GREB1: variants seen among roughly 807,000 people sequenced by gnomAD.
The protein encoded by GREB1 is protein GREB1.
In GREB1, 106 loss-of-function variants were observed where a neutral mutation model predicts 200.7. The ratio of observed to expected loss-of-function variants is 0.53; its 90% CI spans 0.45 to 0.62. GREB1 has a LOEUF of 0.62. Among genes scored for constraint, GREB1 ranks in the 20% least tolerant of loss-of-function variants. The pLI is 0.00. For missense variants in GREB1, 2,243 were observed against 2,556.8 expected (o/e 0.88, Z 2.65); for synonymous variants, 1,132 against 1,092.4 (o/e 1.04, Z -0.72).
In GREB1 at chr2:11,585,202, G is replaced by A; in HGVS notation, c.943G>A (p.Gly315Arg). 6 of 1,586,404 alleles carry A rather than the reference G, an allele frequency of 3.8e-6. No homozygotes were observed. The highest frequency in any genetic ancestry group is 5.1e-6 in the Non-Finnish European group (6 of 1,169,104). The change falls in exon 8 of 33, where the codon GGG becomes AGG. Residue 315 changes from glycine to arginine, a missense_variant. By Grantham distance (125) the Gly-to-Arg change is moderately radical (BLOSUM62 -2). Coordinates refer to ENST00000381486, the MANE Select transcript of GREB1 (RefSeq NM_014668.4). ...NSGPPKKRHKGWSPESPSAPD... is the reference protein window; with the variant it reads ...NSGPPKKRHKRWSPESPSAPD... The stretch of plus-strand genomic sequence containing the variant: ...CGGGCCCCCCAAAAAACGCCACAAA[G>A]GGTGGTCTCCAGAATCTCCATCAGC...
chr2:11,637,796 C>T lies in GREB1; in HGVS notation c.5427C>T (p.Pro1809=), dbSNP rs751183792. The T allele has an allele frequency of 7.4e-6, 12 of 1,614,134 alleles. No individual in the cohort carries two copies. Among genetic ancestry groups the T allele is most frequent in the Non-Finnish European group, 9.3e-6 (11 of 1,180,014 alleles). Residue 1809 remains proline, a synonymous_variant, in exon 31 of 33, where the codon CCC becomes CCT. Coordinates refer to ENST00000381486, the MANE Select transcript of GREB1 (RefSeq NM_014668.4). The part of the protein sequence containing the change: ...PDSKHTFLAA[P]AQLLLEKFLQ... Reference sequence around the variant, plus strand: ...GCAAGCACACGTTCCTCGCAGCGCCCGCCCAGCTCCTGCTGGAGAAGTTCC... The same window carrying T: ...GCAAGCACACGTTCCTCGCAGCGCCTGCCCAGCTCCTGCTGGAGAAGTTCC...
intron 3 of GREB1, among the ~76,000 whole-genome samples, chr2:11,563,716 A>G (rs759491467): frequency 2.8e-4 from 43 of 152,200 alleles, no homozygotes; most frequent in Middle Eastern, 3.2e-3. Flanking sequence ...CTATACAAAT[A>G]TTTCTGGAAT....
chr2:11,559,892 GA>G (rs1262040744), intron 2 of GREB1, among the ~76,000 whole-genome samples: 1 of 152,160 alleles, frequency 6.6e-6, no homozygotes, highest in Non-Finnish European at 1.5e-5. Context: ...CTAAGCCCAG[GA>G]AATCTGAGAG....
chr2:11,534,868 A>G (rs1295744420), intron 1 of GREB1, among the ~76,000 whole-genome samples: 1 of 152,136 alleles, frequency 6.6e-6, no homozygotes, highest in Non-Finnish European at 1.5e-5. Context: ...TTTAAGAGTG[A>G]GGCAGAGAAG....
At chr2:11,595,941 G>A (rs973404158) in intron 12 of GREB1, among the ~76,000 whole-genome samples, 170 bp from the exon 13 acceptor site, 1 of 152,140 alleles carries the variant, frequency 6.6e-6, no homozygotes, top group Non-Finnish European at 1.5e-5. Context: ...CACTCTGGCA[G>A]TGTGTCTTCA....
Position 11,514,490 on chromosome 2 carries a change from A to G in GREB1, c.-159+32109A>G, listed in dbSNP as rs77652967. 3.3e-4 allele frequency among the ~76,000 whole-genome samples: 50 copies of G among 152,288 alleles called. No individual in the cohort carries two copies. In the East Asian group the frequency reaches 9.3e-3, roughly 28 times the overall value. On this transcript the variant is annotated intron_variant, in intron 1 of 2. Coordinates refer to the GREB1 transcript ENST00000628795. ...TCAGATGTCAGTGTTGTGTCCTCAG[A>G]TGTATGTACTATGTAACTGCTGTCT...
intron 1 of GREB1, among the ~76,000 whole-genome samples, chr2:11,508,896 A>G (rs1301976157): frequency 2.3e-5 from 3 of 132,086 alleles, no homozygotes; most frequent in Non-Finnish European, 4.7e-5. Context: ...TTTTTTCGGG[A>G]CAGAGTCTCG....
chr2:11,564,131 A>G lies in GREB1; in HGVS notation c.277+1549A>G, dbSNP rs77876459. 4.8e-4 allele frequency among the ~76,000 whole-genome samples: 73 copies of G among 152,324 alleles called. 1 individual carries two copies. The highest frequency in any genetic ancestry group is 1.7e-3 in the African/African-American group (71 of 41,574). ...AAATTACAGCTCATTTGGAGGAACT[A>G]CTAGCAGATTATTTACGTAGGGGCC... On this transcript the variant is annotated intron_variant, in intron 3 of 32. Transcript: ENST00000381486.
intron 22 of GREB1, among the ~76,000 whole-genome samples, chr2:11,620,429 CAGG>C (rs764668898): frequency 1.3e-5 from 2 of 152,018 alleles, no homozygotes; most frequent in South Asian, 2.1e-4. Flanking sequence ...TTATAGGAAG[CAGG>C]AGAAGGAAGA....
intron 1 of GREB1, among the ~76,000 whole-genome samples, chr2:11,539,434 G>A (rs1674559812): frequency 6.6e-6 from 1 of 152,172 alleles, no homozygotes; most frequent in Admixed American, 6.5e-5. Context: ...ATTCACAGCA[G>A]AGTTGTTTGA....
At chr2:11,596,887 G>A (rs1457480883) in intron 13 of GREB1, among the ~76,000 whole-genome samples, 1 of 136,548 alleles carries the variant, frequency 7.3e-6, no homozygotes, top group Non-Finnish European at 1.6e-5. Flanking sequence ...GCACCGGTGT[G>A]TACAGTGAGA....
intron 23 of GREB1, among the ~76,000 whole-genome samples, 171 bp downstream of exon 23, chr2:11,621,178 C>T (rs914733229): frequency 1.3e-5 from 2 of 152,032 alleles, no homozygotes; most frequent in South Asian, 4.2e-4. Context: ...TTCTCAGTAT[C>T]AGGCTTTTGC....
chr2:11,581,082 G>A (rs143498128), intron 7 of GREB1: 202 of 648,486 alleles, frequency 3.1e-4, no homozygotes, highest in Non-Finnish European at 5.0e-4. Context: ...TGGTAATGGC[G>A]AGTGACCTGT....
chr2:11,638,774 G>C lies in GREB1; in HGVS notation c.5651G>C (p.Gly1884Ala). 2 of 1,614,158 alleles carry C rather than the reference G, an allele frequency of 1.2e-6. No individual in the cohort carries two copies. The highest frequency in any genetic ancestry group is 1.7e-6 in the Non-Finnish European group (2 of 1,180,032). Reference protein sequence around the residue: ...LLLYLCDSFVGASFLKKFHFL... With the variant: ...LLLYLCDSFVAASFLKKFHFL... ...CTGTACCTCTGTGACTCTTTTGTGG[G>C]AGCTAGCTTTTTGAAAAAGTTTCAT... Residue 1884 changes from glycine to alanine, a missense_variant, in exon 32 of 33, where the codon GGA (glycine) becomes GCA (alanine). Gly to Ala is a moderately conservative substitution (Grantham distance 60). Transcript: ENST00000381486.
intron 1 of GREB1, among the ~76,000 whole-genome samples, chr2:11,514,265 ACTGCT>A (rs1455115458): frequency 1.3e-5 from 2 of 152,200 alleles, no homozygotes; most frequent in African/African-American, 4.8e-5. Flanking sequence ...TTTAAACAAC[ACTGCT>A]CTGTACGTAT....
intron 30 of GREB1, among the ~76,000 whole-genome samples, chr2:11,636,122 G>T (rs7557851): frequency 0.27 from 41,683 of 152,190 alleles, 5,900 homozygotes; most frequent in African/African-American, 0.3. Flanking sequence ...CATCTCCACT[G>T]ACCCCCAGAG....
intron 3 of GREB1, among the ~76,000 whole-genome samples, chr2:11,565,318 G>A (rs1422763452): frequency 1.3e-5 from 2 of 152,220 alleles, no homozygotes; most frequent in Admixed American, 6.5e-5. Context: ...GCCTGCCAGC[G>A]TCTCCCCCAC....
At position 11,592,901 on chromosome 2, in the gene GREB1, A is replaced by G. The variant is rs769433939; in HGVS notation, c.1471A>G (p.Ser491Gly). The change falls in exon 11 of 33, where the codon AGC becomes GGC. Residue 491 changes from serine to glycine, a missense_variant. Ser to Gly is a moderately conservative substitution (Grantham distance 56). Around this residue, in one of 3 missense-constraint regions of GREB1, gnomAD observed 1,178 missense variants for 1,387.4 expected, o/e 0.85. Transcript: ENST00000381486. ...GCCGCAGCCCTTCCCGCCCGCGCCC[A>G]GCGCCGCGGCACCCGTGACCTCCGC... ...APPQPFPPAP[S>G]AAAPVTSAQL... 2.5e-6 allele frequency: 4 copies of G among 1,592,286 alleles called. No homozygotes were observed. In the African/African-American group the frequency reaches 4.0e-5, roughly 16 times the overall value.
chr2:11,564,888 A>G (rs371460070), intron 3 of GREB1, among the ~76,000 whole-genome samples: 5 of 152,212 alleles, frequency 3.3e-5, no homozygotes, highest in Non-Finnish European at 7.3e-5. Context: ...TGAAAGGCAC[A>G]TCACATGGCA....
Sources: allele counts gnomAD v4.1 joint callset (sites outside exome capture counted in the v4.1 genomes callset), GRCh38; gene constraint gnomAD v4.1.1; regional missense constraint gnomAD v4.1.1; transcripts MANE v1.5; gene names NCBI Gene and HGNC (gene_info 2026-07-23, HGNC 2026-07-21).